Variants in PIK3C3 observed in about 807,000 individuals in gnomAD.
The protein encoded by PIK3C3 is phosphatidylinositol 3-kinase catalytic subunit type 3, also known as PI3-kinase type 3.
PIK3C3 carries 95 observed loss-of-function variants against 126.1 expected under a neutral mutation model. The observed-to-expected ratio is 0.75, with a 90% CI of 0.64 to 0.89. The LOEUF is 0.89. Among genes scored for constraint, PIK3C3 ranks in the 40% least tolerant of loss-of-function variants. The pLI is 0.00. For synonymous variants in PIK3C3, 374 were observed against 360.0 expected (o/e 1.04, Z -0.44); for missense variants, 829 against 1,063.2 (o/e 0.78, Z 3.06).
chr18:42,041,684 A>T (rs1265728035), intron 19 of PIK3C3, among the ~76,000 whole-genome samples: 1 of 151,902 alleles, frequency 6.6e-6, no homozygotes, highest in East Asian at 1.9e-4. Flanking sequence ...TGTTTGATAC[A>T]GTGTGTTTTT....
chr18:42,026,387 A>G (rs1983570142), intron 13 of PIK3C3: 1 of 152,160 alleles, frequency 6.6e-6, no homozygotes. Context: ...TGCTCACAGG[A>G]TGTTGCTTTG....
At chr18:42,012,211 C>T (rs1982861275) in intron 10 of PIK3C3, among the ~76,000 whole-genome samples, 2 of 150,596 alleles carry the variant, frequency 1.3e-5, no homozygotes, top group South Asian at 4.2e-4. Context: ...GCAATGTGTG[C>T]AAGGTACAAT....
chr18:42,047,122 A>C (rs1984590886), intron 20 of PIK3C3, among the ~76,000 whole-genome samples: 1 of 152,230 alleles, frequency 6.6e-6, no homozygotes, highest in Non-Finnish European at 1.5e-5. Flanking sequence ...CAGGTGAATC[A>C]GTATTCTATA....
chr18:42,023,967 T>G (rs1567987927), intron 13 of PIK3C3, among the ~76,000 whole-genome samples: 1 of 152,194 alleles, frequency 6.6e-6, no homozygotes, highest in Non-Finnish European at 1.5e-5. Flanking sequence ...AGTGTCAACC[T>G]TTTAAGCCAC....
At chr18:42,035,494 T>A (rs1257440095) in intron 16 of PIK3C3, among the ~76,000 whole-genome samples, 1 of 152,182 alleles carries the variant, frequency 6.6e-6, no homozygotes, top group Non-Finnish European at 1.5e-5. Context: ...TCTTATGAAA[T>A]AAAATATGGG....
intron 21 of PIK3C3, 187 bp from the exon 22 acceptor site, chr18:42,057,696 A>G: frequency 5.4e-6 from 3 of 551,564 alleles, no homozygotes; most frequent in South Asian, 4.9e-5. Flanking sequence ...ATGAGTTAAA[A>G]TGAGTTAATT....
chr18:41,959,595 C>G lies in PIK3C3; in HGVS notation c.257+1837C>G, dbSNP rs556077049. Among the ~76,000 whole-genome samples, 5 of 152,128 alleles carry G rather than the reference C, an allele frequency of 3.3e-5. No individual in the cohort carries two copies. In the South Asian group the frequency reaches 8.3e-4, roughly 25 times the overall value. On this transcript the variant is annotated intron_variant, in intron 2 of 24. Transcript: ENST00000262039. ...GGTGGATCACTTGAGGTCAGGAGTT[C>G]AAGACCAGCCTGGCCCACATGGTGA...
rs115510562 is a variant in PIK3C3 at position 42,044,503 on chromosome 18, C to G, written c.2188+686C>G. Among the ~76,000 whole-genome samples the G allele has an allele frequency of 6.0e-3, 908 of 152,048 alleles. 14 individuals are homozygous for G. Among genetic ancestry groups the G allele is most frequent in the African/African-American group, 0.021 (868 of 41,454 alleles). On this transcript the variant is annotated intron_variant, in intron 20 of 24. Transcript: ENST00000262039. The stretch of plus-strand genomic sequence containing the variant: ...TCACAGCTTACTGCGGCCTGGACCT[C>G]CCAGGCTCAGGTGATTCTTCCACCT...
chr18:42,051,437 T>G (rs1381071090), intron 21 of PIK3C3: 2 of 152,044 alleles, frequency 1.3e-5, no homozygotes, highest in Non-Finnish European at 2.9e-5. Context: ...CTCCAAATTG[T>G]GATAATAATA....
At chr18:41,976,391 G>A (rs1347448825) in intron 4 of PIK3C3, among the ~76,000 whole-genome samples, 3 of 151,794 alleles carry the variant, frequency 2.0e-5, no homozygotes, top group Non-Finnish European at 4.4e-5. Flanking sequence ...GTATTACTAA[G>A]TTCCTGATGT....
At chr18:42,056,047 C>T (rs1338931536) in intron 21 of PIK3C3, among the ~76,000 whole-genome samples, 1 of 151,856 alleles carries the variant, frequency 6.6e-6, no homozygotes, top group Admixed American at 6.6e-5. Flanking sequence ...GTGGTAGATT[C>T]GAATAAGATC....
chr18:42,056,688 G>C (rs183951873), intron 21 of PIK3C3, among the ~76,000 whole-genome samples: 4 of 152,068 alleles, frequency 2.6e-5, no homozygotes, highest in Non-Finnish European at 4.4e-5. Context: ...AGTACCAAAA[G>C]AATTGCTTAG....
At position 42,034,998 on chromosome 18, in the gene PIK3C3, G is replaced by A. The variant is rs73950839; in HGVS notation, c.1839+1041G>A. Reference sequence around the variant, plus strand: ...CTAACTTTAACTGGGTGTTATGGATGGATAGTTACCATTATTTTTAACATT... The same window carrying A: ...CTAACTTTAACTGGGTGTTATGGATAGATAGTTACCATTATTTTTAACATT... On this transcript the variant is annotated intron_variant, in intron 16 of 24. Transcript: ENST00000262039. Among the ~76,000 whole-genome samples, 520 of 152,198 alleles carry A rather than the reference G, an allele frequency of 3.4e-3. 2 individuals are homozygous for A. Among genetic ancestry groups the A allele is most frequent in the African/African-American group, 0.012 (507 of 41,522 alleles).
intron 9 of PIK3C3, among the ~76,000 whole-genome samples, chr18:42,001,167 CAT>C: frequency 6.6e-6 from 1 of 152,192 alleles, no homozygotes; most frequent in East Asian, 1.9e-4. Context: ...CATAGTAACA[CAT>C]ATAGTAAAGC....
chr18:41,990,436 A>C (rs1275540961), intron 5 of PIK3C3, 23 bp from the exon 6 acceptor site: 14 of 1,335,810 alleles, frequency 1.0e-5, no homozygotes, highest in Non-Finnish European at 1.5e-5. Context: ...ATCATTTTTC[A>C]TGAAAATCAT....
intron 3 of PIK3C3, among the ~76,000 whole-genome samples, chr18:41,967,242 C>A (rs145386743): frequency 6.6e-6 from 1 of 152,114 alleles, no homozygotes; most frequent in East Asian, 1.9e-4. Flanking sequence ...ACAGCTACTT[C>A]CTTGCATGGT....
intron 6 of PIK3C3, among the ~76,000 whole-genome samples, chr18:41,991,292 G>GT (rs1467546082): frequency 1.3e-5 from 2 of 152,130 alleles, no homozygotes; most frequent in Non-Finnish European, 2.9e-5. Context: ...GGTTGGCTGC[G>GT]TGGGAAGATT....
chr18:42,044,166 C>T (rs1230760507), intron 20 of PIK3C3, among the ~76,000 whole-genome samples: 1 of 152,082 alleles, frequency 6.6e-6, no homozygotes, highest in Non-Finnish European at 1.5e-5. Context: ...AATGATTGTG[C>T]TTTAGATAAA....
chr18:42,032,234 T>C lies in PIK3C3; in HGVS notation c.1708-1592T>C, dbSNP rs9953431. 7.2e-3 allele frequency among the ~76,000 whole-genome samples: 1,102 copies of C among 152,140 alleles called. 13 individuals are homozygous for C. The highest frequency in any genetic ancestry group is 0.025 in the African/African-American group (1,016 of 41,462). On this transcript the variant is annotated intron_variant, in intron 15 of 24. Coordinates refer to ENST00000262039, the MANE Select transcript of PIK3C3 (RefSeq NM_002647.4). ...GAGCATGTGTGGCAGTTGTGAGAAA[T>C]AGGAAGAAGCCCAGTGTATTTGGAG...
Sources: gnomAD v4.1 joint callset for allele counts (sites outside exome capture counted in the v4.1 genomes callset) on GRCh38, gnomAD v4.1.1 for gene constraint, MANE v1.5 for transcripts, NCBI Gene and HGNC (gene_info 2026-07-23, HGNC 2026-07-21) for gene names.